The following KCNN2 variants were observed in gnomAD, a reference collection of about 807,000 sequenced individuals.
The protein encoded by KCNN2 is potassium calcium-activated channel subfamily N member 2.
In KCNN2, 24 loss-of-function variants were observed where a neutral mutation model predicts 55.5. The observed-to-expected ratio is 0.43, with a 90% CI of 0.31 to 0.61. KCNN2 has a LOEUF of 0.61. Ranked by LOEUF, KCNN2 falls within the 20% of genes least tolerant of loss-of-function variation. KCNN2 has a pLI of 0.08. For synonymous variants in KCNN2, 431 were observed against 336.1 expected (o/e 1.28, Z -3.09); for missense variants, 754 against 853.6 (o/e 0.88, Z 1.45).
intron 1 of KCNN2, among the ~76,000 whole-genome samples, chr5:114,112,277 A>G (rs1751615471): frequency 6.6e-6 from 1 of 152,112 alleles, no homozygotes; most frequent in African/African-American, 2.4e-5. Flanking sequence ...GAATTGAACA[A>G]TGAGAACACA....
At chr5:114,393,341 TAGTA>T (rs760848651) in intron 2 of KCNN2, among the ~76,000 whole-genome samples, 19 of 152,194 alleles carry the variant, frequency 1.2e-4, no homozygotes, top group Non-Finnish European at 2.2e-4. Flanking sequence ...GGATTTGTCT[TAGTA>T]AGCAGAATAT....
chr5:114,405,087 G>A (rs1308079263), intron 3 of KCNN2, among the ~76,000 whole-genome samples: 1 of 152,080 alleles, frequency 6.6e-6, no homozygotes, highest in Non-Finnish European at 1.5e-5. Flanking sequence ...TTCAGTAGAG[G>A]GCTGCCTTTA....
chr5:114,160,793 T>G (rs897825242), intron 1 of KCNN2, among the ~76,000 whole-genome samples: 4 of 149,956 alleles, frequency 2.7e-5, no homozygotes, highest in Non-Finnish European at 1.5e-5. Context: ...TTTGTTGGTT[T>G]AAAGTCTGTT....
intron 3 of KCNN2, among the ~76,000 whole-genome samples, chr5:114,415,713 T>C (rs879499166): frequency 6.6e-6 from 1 of 152,236 alleles, no homozygotes; most frequent in Non-Finnish European, 1.5e-5. Flanking sequence ...CAATTCAAAT[T>C]GCCCATTTTT....
chr5:114,357,406 G>A (rs1297274764), upstream of KCNN2, among the ~76,000 whole-genome samples: 4 of 132,130 alleles, frequency 3.0e-5, no homozygotes, highest in East Asian at 2.3e-4. Flanking sequence ...CCACTAACTC[G>A]TCATCTAGCA....
intron 1 of KCNN2, among the ~76,000 whole-genome samples, chr5:114,182,283 A>G (rs1056610886): frequency 6.6e-6 from 1 of 151,978 alleles, no homozygotes; most frequent in African/African-American, 2.4e-5. Context: ...ATATGTCTTT[A>G]TTACTCTAGC....
intron 1 of KCNN2, among the ~76,000 whole-genome samples, chr5:114,205,493 T>C (rs1304310170): frequency 6.6e-6 from 1 of 152,192 alleles, no homozygotes; most frequent in Non-Finnish European, 1.5e-5. Context: ...TTAAATAACC[T>C]ATAAAACAGA....
At chr5:114,093,368 A>G (rs1751188949) in intron 1 of KCNN2, among the ~76,000 whole-genome samples, 1 of 152,154 alleles carries the variant, frequency 6.6e-6, no homozygotes, top group Non-Finnish European at 1.5e-5. Flanking sequence ...GGAAGCTCCA[A>G]ACTTTCCCAC....
chr5:114,403,683 A>T (rs914054874), intron 2 of KCNN2, among the ~76,000 whole-genome samples: 1 of 152,080 alleles, frequency 6.6e-6, no homozygotes, highest in South Asian at 2.1e-4. Flanking sequence ...TTTACTCTTT[A>T]TCTATATATC....
chr5:114,435,214 A>C (rs573889968), intron 3 of KCNN2, among the ~76,000 whole-genome samples: 11 of 150,458 alleles, frequency 7.3e-5, no homozygotes, highest in Non-Finnish European at 1.6e-4. Context: ...GCAATTAGTC[A>C]ATTACCTTTT....
At chr5:114,429,178 T>C (rs1759716800) in intron 3 of KCNN2, among the ~76,000 whole-genome samples, 1 of 152,084 alleles carries the variant, frequency 6.6e-6, no homozygotes, top group African/African-American at 2.4e-5. Flanking sequence ...ATTTTGTAAT[T>C]CCACCAGCAA....
In KCNN2 at chr5:114,257,991, T is replaced by C. The variant is rs1262214295; in HGVS notation, c.-185+36426T>C. 2.0e-5 allele frequency among the ~76,000 whole-genome samples: 3 copies of C among 152,282 alleles called. No individual in the cohort carries two copies. In the South Asian group the frequency reaches 6.2e-4, roughly 32 times the overall value. On this transcript the variant is annotated intron_variant, in intron 2 of 10. Transcript: ENST00000512097. The stretch of plus-strand genomic sequence containing the variant: ...TTGGTGGTGGGTTTGCATATATTGT[T>C]TTTATTATTTTGAATTATGTTTCTT...
At chr5:114,166,153 G>A (rs933436487) in intron 1 of KCNN2, among the ~76,000 whole-genome samples, 1 of 152,040 alleles carries the variant, frequency 6.6e-6, no homozygotes, top group Non-Finnish European at 1.5e-5. Context: ...GCCTCCCAAA[G>A]TGCTGCTTAT....
At chr5:114,185,886 GT>G (rs1450079647) in intron 1 of KCNN2, among the ~76,000 whole-genome samples, 14 of 152,158 alleles carry the variant, frequency 9.2e-5, no homozygotes, top group Admixed American at 8.5e-4. Context: ...GAAAACTATT[GT>G]TTTGGAAACA....
chr5:114,238,768 A>C (rs1349335185), intron 2 of KCNN2, among the ~76,000 whole-genome samples: 1 of 152,212 alleles, frequency 6.6e-6, no homozygotes, highest in Non-Finnish European at 1.5e-5. Context: ...ATGTCCTATC[A>C]GCCTGAGCAG....
At chr5:114,472,143 G>C (rs1260014017) in intron 4 of KCNN2, among the ~76,000 whole-genome samples, 2 of 152,108 alleles carry the variant, frequency 1.3e-5, no homozygotes, top group Non-Finnish European at 2.9e-5. Flanking sequence ...CCCCTTCCCT[G>C]CTGGGAGGTT....
intron 2 of KCNN2, among the ~76,000 whole-genome samples, chr5:114,354,442 G>C (rs938328618): frequency 2.0e-5 from 3 of 151,892 alleles, no homozygotes; most frequent in East Asian, 1.9e-4. Flanking sequence ...GAATGATTTG[G>C]GTATGAATAT....
chr5:114,151,546 C>T (rs1320664469), intron 1 of KCNN2, among the ~76,000 whole-genome samples: 2 of 149,184 alleles, frequency 1.3e-5, no homozygotes, highest in African/African-American at 5.0e-5. Flanking sequence ...AGAGATGTCC[C>T]AGAAAAAAAA....
intron 1 of KCNN2, among the ~76,000 whole-genome samples, chr5:114,214,662 T>A (rs778901073): frequency 5.9e-5 from 9 of 152,070 alleles, no homozygotes; most frequent in Non-Finnish European, 1.2e-4. Context: ...TTCTTTTGGG[T>A]TCCCCATATG....
Sources: gnomAD v4.1 joint callset for allele counts (sites outside exome capture counted in the v4.1 genomes callset) on GRCh38, gnomAD v4.1.1 for gene constraint, MANE v1.5 for transcripts, NCBI Gene and HGNC (gene_info 2026-07-23, HGNC 2026-07-21) for gene names.